The following FAT4 variants were observed in gnomAD, a reference collection of about 807,000 sequenced individuals.
The protein encoded by FAT4 is FAT atypical cadherin 4.
Under a neutral mutation model 303.9 loss-of-function variants are expected in FAT4, and 84 were observed. That is an observed-to-expected ratio of 0.28 (90% confidence interval 0.23 to 0.33). FAT4 has a LOEUF of 0.33. Ranked by LOEUF, FAT4 falls within the 10% of genes least tolerant of loss-of-function variation. The pLI is 1.00. For missense variants in FAT4, 6,005 were observed against 6,146.8 expected (o/e 0.98, Z 0.77); for synonymous variants, 2,307 against 2,298.8 (o/e 1.00, Z -0.10).
At chr4:125,356,468 AAAG>A (rs1025770408) in intron 2 of FAT4, among the ~76,000 whole-genome samples, 31 of 151,808 alleles carry the variant, frequency 2.0e-4, no homozygotes, top group African/African-American at 7.2e-4. Flanking sequence ...AGAAATATAA[AAAG>A]AAGTTTTCTA....
Position 125,463,623 on chromosome 4 carries a change from C to T in FAT4, c.11861C>T (p.Ser3954Phe). ...CECNPCFNGG[S>F]CQSGVDSYYC... ...TGCAACCCCTGCTTTAATGGTGGTT[C>T]CTGCCAAAGTGGTGTGGATTCTTAT... Residue 3954 changes from serine (S) to phenylalanine (F), a missense_variant, in exon 11 of 18, where the codon TCC becomes TTC. Physicochemically the swap from Ser to Phe is radical, Grantham distance 155. Transcript: ENST00000394329. 1.2e-6 allele frequency: 2 copies of T among 1,600,174 alleles called. No homozygotes were observed. Among genetic ancestry groups the T allele is most frequent in the Non-Finnish European group, 8.5e-7 (1 of 1,171,566 alleles).
intron 2 of FAT4, among the ~76,000 whole-genome samples, chr4:125,339,196 C>T (rs989425355): frequency 6.6e-6 from 1 of 152,000 alleles, no homozygotes; most frequent in Non-Finnish European, 1.5e-5. Flanking sequence ...CGGAGTCTTG[C>T]CCTGTCGCCC....
intron 2 of FAT4, among the ~76,000 whole-genome samples, chr4:125,373,699 A>T (rs1434535306): frequency 6.6e-6 from 1 of 152,210 alleles, no homozygotes; most frequent in Non-Finnish European, 1.5e-5. Flanking sequence ...TGACTGAGGT[A>T]CTTTTCTTAT....
At chr4:125,365,311 T>G (rs1269714883) in intron 2 of FAT4, among the ~76,000 whole-genome samples, 2 of 152,194 alleles carry the variant, frequency 1.3e-5, no homozygotes, top group Non-Finnish European at 2.9e-5. Flanking sequence ...AATTTGCATT[T>G]GGAGTGTAGT....
At chr4:125,342,947 C>A (rs866702368) in intron 2 of FAT4, among the ~76,000 whole-genome samples, 5 of 152,002 alleles carry the variant, frequency 3.3e-5, no homozygotes, top group African/African-American at 1.2e-4. Flanking sequence ...AATGCAATAT[C>A]ATTTTGAAAT....
At position 125,491,577 on chromosome 4, in the gene FAT4, A is replaced by G; in HGVS notation, c.14761A>G (p.Met4921Val). 1.2e-6 allele frequency: 2 copies of G among 1,614,214 alleles called. No homozygotes were observed. The highest frequency in any genetic ancestry group is 1.7e-6 in the Non-Finnish European group (2 of 1,180,032). ...APGTADNTLP[M>V]KLGQQAGTFN... ...AGGCACTGCTGACAACACACTGCCC[A>G]TGAAGCTAGGGCAGCAAGCAGGGAC... The change falls in exon 18 of 18, where the codon ATG (methionine) becomes GTG (valine). Residue 4921 changes from methionine to valine, a missense_variant. Transcript: ENST00000394329.
intron 2 of FAT4, among the ~76,000 whole-genome samples, chr4:125,363,852 A>G (rs997452839): frequency 3.3e-5 from 5 of 152,226 alleles, no homozygotes; most frequent in African/African-American, 1.2e-4. Context: ...ATGGATTATT[A>G]TATTCACTAC....
At chr4:125,427,173 A>G (rs1725113154) in intron 7 of FAT4, among the ~76,000 whole-genome samples, 1 of 151,498 alleles carries the variant, frequency 6.6e-6, no homozygotes, top group African/African-American at 2.4e-5. Context: ...TTTGGTTATT[A>G]TTATTTTTTA....
At chr4:125,471,922 A>AAAAAAAAAAAAAG (rs1726875516) in intron 12 of FAT4, among the ~76,000 whole-genome samples, 1 of 133,280 alleles carries the variant, frequency 7.5e-6, no homozygotes, top group Non-Finnish European at 1.6e-5. Context: ...AAAAAAAAAA[A>AAAAAAAAAAAAAG]AAAAATTAGC....
chr4:125,466,777 CTTT>C (rs759985717), intron 11 of FAT4, among the ~76,000 whole-genome samples: 2 of 139,586 alleles, frequency 1.4e-5, no homozygotes, highest in Non-Finnish European at 3.1e-5. Context: ...TGTATAATTT[CTTT>C]TTTTTTTTTT....
intron 2 of FAT4, among the ~76,000 whole-genome samples, chr4:125,349,906 C>T (rs149862804): frequency 4.6e-5 from 7 of 151,606 alleles, no homozygotes; most frequent in Non-Finnish European, 1.0e-4. Flanking sequence ...AAACTCAATG[C>T]GCAATCTTGA....
intron 17 of FAT4, 101 bp downstream of exon 17, chr4:125,487,707 C>A: frequency 8.6e-7 from 1 of 1,162,768 alleles, no homozygotes; most frequent in Non-Finnish European, 1.2e-6. Flanking sequence ...ACATGAATCT[C>A]ATATACAGAA....
rs746066577 is a variant in FAT4 at position 125,452,731 on chromosome 4, G to A, written c.11721G>A (p.Leu3907=). The A allele has an allele frequency of 3.0e-5, 48 of 1,614,042 alleles. No individual in the cohort carries two copies. The East Asian group carries it at 9.6e-4, about 32-fold the overall frequency. The change falls in exon 10 of 18, where the codon CTG becomes CTA. Residue 3907 remains leucine, a synonymous_variant. Transcript: ENST00000394329. ...GTGAGAGAGATATCAATGAGTGCCTGCAGAGTCCTTGCAAGAATGGTGCCA... is the reference window on the plus strand; with the variant it reads ...GTGAGAGAGATATCAATGAGTGCCTACAGAGTCCTTGCAAGAATGGTGCCA... ...RACERDINEC[L]QSPCKNGAIC...
chr4:125,351,871 A>G (rs1205626993), intron 2 of FAT4, among the ~76,000 whole-genome samples: 1 of 151,620 alleles, frequency 6.6e-6, no homozygotes, highest in Non-Finnish European at 1.5e-5. Context: ...ATTTATTACT[A>G]AATTCTAGAC....
At chr4:125,390,247 G>T (rs888712134) in intron 2 of FAT4, among the ~76,000 whole-genome samples, 1 of 151,990 alleles carries the variant, frequency 6.6e-6, no homozygotes, top group East Asian at 1.9e-4. Context: ...CATGTTTAAG[G>T]TCAGGTCATA....
rs1654777622 is a variant in FAT4 at position 125,318,001 on chromosome 4, C to T, written c.1590C>T (p.Gly530=). ...GGTTCCATATCAGTGAACATAGCGG[C>T]CTCGTGACCACTGGGTCCTCTGGGG... ...LGWFHISEHS[G]LVTTGSSGGL... Residue 530 remains glycine, a synonymous_variant, in exon 2 of 18, where the codon GGC becomes GGT. Coordinates refer to ENST00000394329, the MANE Select transcript of FAT4 (RefSeq NM_001291303.3). 6.2e-6 allele frequency: 10 copies of T among 1,614,082 alleles called. No individual in the cohort carries two copies. The highest frequency in any genetic ancestry group is 2.2e-5 in the East Asian group (1 of 44,876).
intron 2 of FAT4, among the ~76,000 whole-genome samples, chr4:125,389,817 G>A (rs1279684688): frequency 6.6e-6 from 1 of 152,130 alleles, no homozygotes; most frequent in Non-Finnish European, 1.5e-5. Flanking sequence ...TTAAAACCTT[G>A]TTCATAGAGA....
chr4:125,472,556 C>A (rs1209144478), intron 12 of FAT4, among the ~76,000 whole-genome samples: 1 of 151,970 alleles, frequency 6.6e-6, no homozygotes, highest in Admixed American at 6.6e-5. Context: ...TTATTTTTGA[C>A]CAGTACACAT....
chr4:125,486,507 C>G (rs1727418565), intron 16 of FAT4, among the ~76,000 whole-genome samples: 1 of 152,088 alleles, frequency 6.6e-6, no homozygotes, highest in Non-Finnish European at 1.5e-5. Context: ...CACTGCATCC[C>G]CCTGCCAACA....
Sources: gnomAD v4.1 joint callset for allele counts (sites outside exome capture counted in the v4.1 genomes callset) on GRCh38, gnomAD v4.1.1 for gene constraint, MANE v1.5 for transcripts, NCBI Gene and HGNC (gene_info 2026-07-23, HGNC 2026-07-21) for gene names.